LTBP4: variants seen among roughly 807,000 people sequenced by gnomAD.
LTBP4 encodes the protein latent transforming growth factor beta binding protein 4.
Under a neutral mutation model 180.2 loss-of-function variants are expected in LTBP4, and 93 were observed. The ratio of observed to expected loss-of-function variants is 0.52; its 90% confidence interval spans 0.44 to 0.61. The LOEUF (loss-of-function observed/expected upper bound fraction) is 0.61. LTBP4 is among the 20% of genes least tolerant of loss of function. The pLI is 0.00. For missense variants in LTBP4, 2,116 were observed against 2,256.5 expected, an observed-to-expected ratio of 0.94 and a Z score of 1.26; for synonymous variants, 947 against 934.5, an observed-to-expected ratio of 1.01 and a Z score of -0.24.
intron 15 of LTBP4, among the ~76,000 whole-genome samples, chr19:40,612,735 A>G (rs143944287): frequency 9.2e-4 from 140 of 152,262 alleles, no homozygotes; most frequent in African/African-American, 3.3e-3. Flanking sequence ...ACTCTGACCC[A>G]TGGCTCAGCC....
Position 40,622,321 on chromosome 19 carries a change from C to T in LTBP4, c.3218-80C>T. The T allele has an allele frequency of 2.1e-6, 3 of 1,423,688 alleles. No individual in the cohort carries two copies. The highest frequency in any genetic ancestry group is 2.8e-6 in the Non-Finnish European group (3 of 1,072,266). 88.2% of individuals were successfully genotyped at this position (1,423,688 alleles called of 1,614,324 possible). A position where few individuals can be genotyped will look rare whatever the true frequency, so the allele number is the denominator to read the frequency against. On this transcript the variant is annotated intron_variant, in intron 22 of 29. Coordinates refer to ENST00000396819, the MANE Select transcript of LTBP4 (RefSeq NM_001042545.2). The surrounding 1 kb of genome is among the most constrained non-coding windows in gnomAD (Gnocchi z 5.1). ...CCACCCTCTGTTTCCCTATCTATGC[C>T]AGCCTCAGTTTCCCCATCTATGATA... is the stretch of plus-strand genomic sequence containing the variant.
In LTBP4 at chr19:40,617,095, T is replaced by G. The variant is rs766577584; in HGVS notation, c.2945-5T>G. ...AGAAATGGCCTGACTGTCTGGTGGT[T>G]GCAGATGTGGACGAATGCCGGAACC... is the stretch of plus-strand genomic sequence containing the variant. On this transcript the variant is annotated splice_polypyrimidine_tract_variant and splice_region_variant and intron_variant, in intron 20 of 29. Coordinates refer to ENST00000396819, the MANE Select transcript of LTBP4 (RefSeq NM_001042545.2). 6.2e-6 allele frequency: 10 copies of G among 1,614,000 alleles called. No individual in the cohort carries two copies. The South Asian group carries it at 1.1e-4, about 18-fold the overall frequency.
At chr19:40,597,222 G>C (rs1050532121), upstream of LTBP4, 265 of 1,468,626 alleles carry the variant, frequency 1.8e-4, 1 homozygote, top group Non-Finnish European at 2.2e-4. Flanking sequence ...AGCGGGACTC[G>C]GCGCCCGACA....
chr19:40,599,249 A>C (rs759267510), upstream of LTBP4: 3 of 1,613,570 alleles, frequency 1.9e-6, no homozygotes, highest in Non-Finnish European at 2.5e-6. Flanking sequence ...GAGCCGCTGC[A>C]TCCGAGGTGG....
In LTBP4 at chr19:40,607,534, G is replaced by A. The variant is rs771182675; in HGVS notation, c.1156+5G>A. 1.1e-5 allele frequency: 17 copies of A among 1,605,086 alleles called. 1 individual carries two copies. In the South Asian group the frequency reaches 1.7e-4, roughly 16 times the overall value. On this transcript the variant is annotated splice_donor_5th_base_variant and intron_variant, in intron 7 of 29. Transcript: ENST00000396819. The stretch of plus-strand genomic sequence containing the variant: ...TCTGCCCACCCTTCGGCTCAGGTGA[G>A]CCCCTGCGGCAGTGCCTAGCCCTAC...
At chr19:40,597,356 C>A, upstream of LTBP4, 1 of 1,521,194 alleles carries the variant, frequency 6.6e-7, no homozygotes, top group Non-Finnish European at 8.8e-7. Context: ...GTCGAGGTCC[C>A]GGGGGTCCCC....
upstream of LTBP4, among the ~76,000 whole-genome samples, chr19:40,600,339 G>A (rs1453641701): frequency 6.6e-6 from 1 of 152,162 alleles, no homozygotes; most frequent in Non-Finnish European, 1.5e-5. The surrounding 1 kb of genome is among the most constrained non-coding windows in gnomAD (Gnocchi z 4.4). Context: ...GTCCGGCCGT[G>A]CGAGGTGAGC....
chr19:40,613,463 G>T lies in LTBP4; in HGVS notation c.2491G>T (p.Asp831Tyr). Residue 831 changes from aspartate to tyrosine, a missense_variant, in exon 17 of 30, where the codon GAC becomes TAC. By Grantham distance (160) the Asp-to-Tyr change is radical. Coordinates refer to ENST00000396819, the MANE Select transcript of LTBP4 (RefSeq NM_001042545.2). The surrounding 1 kb of genome is among the most constrained non-coding windows in gnomAD (Gnocchi z 5.0). ...CFPHGECLNT[D>Y]GSFACTCAPG... ...CCCTCACGGCGAGTGCCTCAACACT[G>T]ACGGCTCCTTTGCCTGTACTTGTGC... The T allele has an allele frequency of 6.3e-7, 1 of 1,598,758 alleles. No individual in the cohort carries two copies.
intron 22 of LTBP4, 41 bp downstream of exon 22, chr19:40,619,534 C>A (rs778055603): frequency 6.4e-7 from 1 of 1,556,784 alleles, no homozygotes; most frequent in Admixed American, 1.8e-5. Context: ...CGGCTGGCCC[C>A]ATGGGAAAAT....
At position 40,611,729 on chromosome 19, in the gene LTBP4, C is replaced by T; in HGVS notation, c.2054-130C>T. On this transcript the variant is annotated intron_variant, in intron 13 of 29. Coordinates refer to ENST00000396819, the MANE Select transcript of LTBP4 (RefSeq NM_001042545.2). This position sits in a 1 kb window ranked among gnomAD's most constrained non-coding sequence, Gnocchi z 4.4. The stretch of plus-strand genomic sequence containing the variant: ...GGACACGAGGAAGGTGTCTGTCTTC[C>T]TGGGAAGAGGGAGCAGCCTGAGGCA... The T allele has an allele frequency of 2.9e-6, 4 of 1,394,062 alleles. No homozygotes were observed. Among genetic ancestry groups the T allele is most frequent in the Middle Eastern group, 2.0e-4 (1 of 5,084 alleles). 86.4% of individuals were successfully genotyped at this position (1,394,062 alleles called of 1,614,324 possible).
Position 40,601,559 on chromosome 19 carries a change from TGC to T in LTBP4, c.177_178del (p.Arg61GlnfsTer39), listed in dbSNP as rs914893907. The T allele has an allele frequency of 1.4e-6, 2 of 1,474,114 alleles. No individual in the cohort carries two copies. Among genetic ancestry groups the T allele is most frequent in the African/African-American group, 2.9e-5 (2 of 67,920 alleles). The allele number at this position is 1,474,114 out of a possible 1,614,324, so 91.3% of individuals were successfully genotyped here. The stretch of plus-strand genomic sequence containing the variant: ...GACCGGCTCCCGCTGTACCCCGACC[TGC>T]GCGCCCCGCAACGCCACCAGCGTGG... ...GPTGSRCTPT[C>X]APRNATSVDS... On this transcript the variant is annotated frameshift_variant, in exon 1 of 30. Coordinates refer to ENST00000396819, the MANE Select transcript of LTBP4 (RefSeq NM_001042545.2). LOFTEE classifies it high-confidence loss of function.
In LTBP4 at chr19:40,605,152, C is replaced by G. The variant is rs1240181247; in HGVS notation, c.368C>G (p.Pro123Arg). The G allele has an allele frequency of 2.5e-6, 4 of 1,612,388 alleles. No homozygotes were observed. The highest frequency in any genetic ancestry group is 2.5e-6 in the Non-Finnish European group (3 of 1,179,356). ...TTGCACTCCTCGGGCGCCCGGCCCC[C>G]GGCCCCGGCTGTACCAGGCCTCACC... ...CQLHSSGARPPAPAVPGLTRS... is the reference protein window; with the variant it reads ...CQLHSSGARPRAPAVPGLTRS... Residue 123 changes from proline to arginine, a missense_variant, in exon 2 of 30, where the codon CCG becomes CGG. This residue lies in a region of LTBP4 where 469 missense variants were observed against 532.5 expected (regional missense o/e 0.88). Transcript: ENST00000396819. The surrounding 1 kb of genome is among the most constrained non-coding windows in gnomAD (Gnocchi z 5.5).
In LTBP4 at chr19:40,611,204, G is replaced by C. The variant is rs2081503197; in HGVS notation, c.1863G>C (p.Lys621Asn). 1 of 1,613,852 alleles carries C rather than the reference G, an allele frequency of 6.2e-7. No homozygotes were observed. Among genetic ancestry groups the C allele is most frequent in the African/African-American group, 1.3e-5 (1 of 74,918 alleles). The change falls in exon 13 of 30, where the codon AAG (lysine) becomes AAC (asparagine). Residue 621 changes from lysine to asparagine, a missense_variant. Coordinates refer to ENST00000396819, the MANE Select transcript of LTBP4 (RefSeq NM_001042545.2). This position sits in a 1 kb window ranked among gnomAD's most constrained non-coding sequence, Gnocchi z 4.4. The part of the protein sequence containing the change: ...SPGLCGRGAC[K>N]NLPGSFRCVC... ...GCCTGTGTGGCCGAGGGGCCTGCAAGAACCTGCCTGGCTCTTTCCGCTGTG... is the reference window on the plus strand; with the variant it reads ...GCCTGTGTGGCCGAGGGGCCTGCAACAACCTGCCTGGCTCTTTCCGCTGTG...
Position 40,612,080 on chromosome 19 carries a change from T to A in LTBP4, c.2187T>A (p.Asp729Glu), listed in dbSNP as rs776015508. The change falls in exon 15 of 30, where the codon GAT (aspartate) becomes GAA (glutamate). Residue 729 changes from aspartate (D) to glutamate (E), a missense_variant. Asp to Glu is a conservative substitution (Grantham distance 45). Transcript: ENST00000396819. ...CTCTCCCCTGCCCCCCAGATGTGGA[T>A]GAGTGTGAGAACCACCTCGCATGCC... ...NTAGSECEDVDECENHLACPG... is the reference protein window; with the variant it reads ...NTAGSECEDVEECENHLACPG... The A allele has an allele frequency of 1.2e-5, 20 of 1,613,548 alleles. No individual in the cohort carries two copies. In the East Asian group the frequency reaches 4.2e-4, roughly 34 times the overall value.
Position 40,609,642 on chromosome 19 carries a change from C to T in LTBP4, c.1539C>T (p.Pro513=). 2 of 1,613,194 alleles carry T rather than the reference C, an allele frequency of 1.2e-6. No individual in the cohort carries two copies. Among genetic ancestry groups the T allele is most frequent in the Non-Finnish European group, 1.7e-6 (2 of 1,179,768 alleles). The part of the protein sequence containing the change: ...CACDSGFRLS[P]QGTRCIDVDE... ...GCGACTCTGGCTTCCGGCTCAGCCC[C>T]CAGGGCACCCGATGCATTGGTGAGC... The change falls in exon 10 of 30, where the codon CCC becomes CCT. Residue 513 remains proline (P), a synonymous_variant. Coordinates refer to ENST00000396819, the MANE Select transcript of LTBP4 (RefSeq NM_001042545.2). The surrounding 1 kb of genome is among the most constrained non-coding windows in gnomAD (Gnocchi z 4.9).
Position 40,611,011 on chromosome 19 carries a change from G to T in LTBP4, c.1811-141G>T, listed in dbSNP as rs1297032535. On this transcript the variant is annotated intron_variant, in intron 12 of 29. Transcript: ENST00000396819. This position sits in a 1 kb window ranked among gnomAD's most constrained non-coding sequence, Gnocchi z 4.4. ...AGGCAGCTTAGTAGGGATTGGTGGA[G>T]GATGCAGAGTCAGATGATGGTGACA... is the stretch of plus-strand genomic sequence containing the variant. 1.1e-5 allele frequency: 13 copies of T among 1,189,186 alleles called. No homozygotes were observed. In the East Asian group the frequency reaches 3.2e-4, roughly 29 times the overall value. The allele number at this position is 1,189,186 out of a possible 1,614,324, so 73.7% of individuals were successfully genotyped here.
chr19:40,600,870 A>G (rs966803866), upstream of LTBP4, among the ~76,000 whole-genome samples: 1 of 151,708 alleles, frequency 6.6e-6, no homozygotes, highest in African/African-American at 2.4e-5. The surrounding 1 kb of genome is among the most constrained non-coding windows in gnomAD (Gnocchi z 4.4). Context: ...TAGACGCCCA[A>G]TTCCTTTATG....
At chr19:40,599,710 C>G (rs1047520568), upstream of LTBP4, 1 of 680,422 alleles carries the variant, frequency 1.5e-6, no homozygotes, top group Admixed American at 2.8e-5. Context: ...GTTTCTATTT[C>G]ATCCCTTGCC....
intron 15 of LTBP4, 29 bp downstream of exon 15, chr19:40,612,221 G>A (rs1274816782): frequency 3.2e-6 from 5 of 1,566,546 alleles, no homozygotes; most frequent in Non-Finnish European, 3.5e-6. Flanking sequence ...TGTGACCTTG[G>A]GCCTGCATCA....
Sources: gnomAD v4.1 joint callset for allele counts (sites outside exome capture counted in the v4.1 genomes callset) on GRCh38, gnomAD v4.1.1 for gene constraint, gnomAD v4.1.1 regional missense constraint, Gnocchi (gnomAD v3.1) non-coding constraint, MANE v1.5 for transcripts, NCBI Gene and HGNC (gene_info 2026-07-23, HGNC 2026-07-21) for gene names.